Variants in NUBPL observed in about 807,000 individuals in gnomAD.
NUBPL encodes the protein iron-sulfur cluster transfer protein NUBPL.
Under a neutral mutation model 45.7 loss-of-function variants are expected in NUBPL, and 31 were observed. That is an observed-to-expected ratio of 0.68 (90% CI 0.51 to 0.92). The LOEUF is 0.92. Among genes scored for constraint, NUBPL ranks in the 40% least tolerant of loss-of-function variants. The pLI is 0.00. For missense variants in NUBPL, 401 were observed against 398.7 expected (o/e 1.01, Z -0.05); for synonymous variants, 144 against 140.9 (o/e 1.02, Z -0.15).
chr14:31,562,163 A>G lies in NUBPL; in HGVS notation c.204A>G (p.Gln68=), dbSNP rs943060873. 1.2e-6 allele frequency: 2 copies of G among 1,614,008 alleles called. No homozygotes were observed. Among genetic ancestry groups the G allele is most frequent in the African/African-American group, 2.7e-5 (2 of 74,932 alleles). The change falls in exon 2 of 11, where the codon CAA becomes CAG. Residue 68 remains glutamine, a synonymous_variant. Transcript: ENST00000281081. ...AGAAACCGATAGAAGGTGTTAAACA[A>G]GTTATAGTTGTGGCTTCTGGAAAGG... The part of the protein sequence containing the change: ...PKQKPIEGVK[Q]VIVVASGKGG...
At chr14:31,774,043 G>A (rs2039056551) in intron 6 of NUBPL, among the ~76,000 whole-genome samples, 1 of 152,150 alleles carries the variant, frequency 6.6e-6, no homozygotes, top group Non-Finnish European at 1.5e-5. Flanking sequence ...TTCTCTATTT[G>A]TTCTTTGGTT....
chr14:31,814,191 A>G (rs923741761), intron 7 of NUBPL, among the ~76,000 whole-genome samples: 1 of 152,168 alleles, frequency 6.6e-6, no homozygotes, highest in African/African-American at 2.4e-5. Flanking sequence ...CCTCTCCAGC[A>G]TCTGTTGTTT....
At chr14:31,594,247 G>T (rs1231862059) in intron 3 of NUBPL, among the ~76,000 whole-genome samples, 1 of 151,992 alleles carries the variant, frequency 6.6e-6, no homozygotes. Flanking sequence ...GTGAAACCCT[G>T]TCCCTACAAA....
At chr14:31,638,612 T>C (rs1385992636) in intron 4 of NUBPL, among the ~76,000 whole-genome samples, 1 of 152,148 alleles carries the variant, frequency 6.6e-6, no homozygotes, top group Non-Finnish European at 1.5e-5. Context: ...GTTCTCTGTA[T>C]TTCCTGAATG....
chr14:31,656,226 G>C (rs1343676174), intron 4 of NUBPL, among the ~76,000 whole-genome samples: 3 of 152,194 alleles, frequency 2.0e-5, no homozygotes, highest in Admixed American at 2.0e-4. Flanking sequence ...TGGGTTAAGA[G>C]AATGTTGTGG....
intron 7 of NUBPL, among the ~76,000 whole-genome samples, chr14:31,791,829 C>G (rs1203700385): frequency 1.3e-5 from 2 of 152,134 alleles, no homozygotes; most frequent in African/African-American, 4.8e-5. Context: ...GCTTTCTTTG[C>G]TTGTTCTTTA....
intron 4 of NUBPL, among the ~76,000 whole-genome samples, chr14:31,651,691 G>C (rs1028498799): frequency 2.6e-5 from 4 of 152,122 alleles, no homozygotes; most frequent in African/African-American, 9.7e-5. Context: ...AAGGTCAGGA[G>C]ATCGAGACAA....
At chr14:31,847,825 A>C (rs143063762) in intron 9 of NUBPL, among the ~76,000 whole-genome samples, 58 of 152,332 alleles carry the variant, frequency 3.8e-4, no homozygotes, top group African/African-American at 1.3e-3. Context: ...CTAATGATAT[A>C]TTTTGATACA....
At chr14:31,817,721 G>A (rs924388375) in intron 7 of NUBPL, among the ~76,000 whole-genome samples, 5 of 152,218 alleles carry the variant, frequency 3.3e-5, no homozygotes, top group Non-Finnish European at 7.3e-5. Context: ...AAGTTGAAAA[G>A]ACCATTGACA....
rs1380593773 is a variant in NUBPL, at chr14:31,613,737, T to C, written c.382+14358T>C. On this transcript the variant is annotated intron_variant, in intron 4 of 10. Coordinates refer to ENST00000281081, the MANE Select transcript of NUBPL (RefSeq NM_025152.3). ...TCCCAAAGTGCTGGGATTACAGGTG[T>C]GAGCCACTGCGCCCGGCCTAATTGG... Among the ~76,000 whole-genome samples the C allele has an allele frequency of 3.9e-5, 6 of 152,260 alleles. No individual in the cohort carries two copies. The East Asian group carries it at 1.2e-3, about 29-fold the overall frequency.
Position 31,682,601 on chromosome 14 carries a change from T to C in NUBPL, c.513+9027T>C, listed in dbSNP as rs182858158. Among the ~76,000 whole-genome samples, 226 of 152,344 alleles carry C rather than the reference T, an allele frequency of 1.5e-3. 1 individual carries two copies. The highest frequency in any genetic ancestry group is 0.014 in the Middle Eastern group (4 of 294). ...TGTTTTTTTCTTTTTTCTTACGTTCTTTGAATAAATGAAATATTTCTTGAA... is the reference window on the plus strand; with the variant it reads ...TGTTTTTTTCTTTTTTCTTACGTTCCTTGAATAAATGAAATATTTCTTGAA... On this transcript the variant is annotated intron_variant, in intron 6 of 10. Transcript: ENST00000281081.
Position 31,818,697 on chromosome 14 carries a change from G to A in NUBPL, c.608-7932G>A, listed in dbSNP as rs558401530. 8.5e-5 allele frequency among the ~76,000 whole-genome samples: 13 copies of A among 152,090 alleles called. No individual in the cohort carries two copies. The South Asian group carries it at 2.3e-3, about 27-fold the overall frequency. ...CCATGTAGCTGGGACTACAGGCGCC[G>A]GCCACCACGCCCGGCTAATGTTTTG... On this transcript the variant is annotated intron_variant, in intron 7 of 10. Coordinates refer to ENST00000281081, the MANE Select transcript of NUBPL (RefSeq NM_025152.3).
chr14:31,811,656 C>A (rs548286208), intron 7 of NUBPL, among the ~76,000 whole-genome samples: 2 of 152,102 alleles, frequency 1.3e-5, no homozygotes, highest in African/African-American at 2.4e-5. Flanking sequence ...TGCTTTGTTC[C>A]GTTGCTGGTG....
rs1362997195 is a variant in NUBPL, at chr14:31,812,570, C to T, written c.608-14059C>T. ...CTTCCCTTGGCTAGGAAAGGGAAAT[C>T]CCCCGACCCCTTGCACTTCCCTGGT... On this transcript the variant is annotated intron_variant, in intron 7 of 10. Transcript: ENST00000281081. Among the ~76,000 whole-genome samples the T allele has an allele frequency of 2.0e-5, 3 of 152,168 alleles. No individual in the cohort carries two copies. The South Asian group carries it at 6.2e-4, about 32-fold the overall frequency.
chr14:31,798,684 C>T (rs1485274683), intron 7 of NUBPL, among the ~76,000 whole-genome samples: 7 of 138,712 alleles, frequency 5.0e-5, no homozygotes, highest in African/African-American at 8.1e-5. Context: ...CCTGGCTACT[C>T]GGGAGGCTGA....
At chr14:31,643,289 G>C (rs989797612) in intron 4 of NUBPL, among the ~76,000 whole-genome samples, 4 of 152,096 alleles carry the variant, frequency 2.6e-5, no homozygotes, top group East Asian at 1.9e-4. Context: ...GTTAGCTGTG[G>C]GTTATACGGC....
chr14:31,666,942 C>T (rs777296830), intron 4 of NUBPL, among the ~76,000 whole-genome samples: 8 of 152,074 alleles, frequency 5.3e-5, no homozygotes, highest in Non-Finnish European at 7.4e-5. Flanking sequence ...GATGGGCTTC[C>T]CTTTGTAGGT....
intron 6 of NUBPL, among the ~76,000 whole-genome samples, chr14:31,755,863 A>G (rs1287611501): frequency 6.6e-6 from 1 of 150,658 alleles, no homozygotes; most frequent in African/African-American, 2.5e-5. Context: ...TCCATCTTGA[A>G]TTAATTTTTG....
chr14:31,690,081 A>T lies in NUBPL; in HGVS notation c.513+16507A>T, dbSNP rs181193788. 2.5e-3 allele frequency among the ~76,000 whole-genome samples: 358 copies of T among 142,252 alleles called. 1 individual carries two copies. Among genetic ancestry groups the T allele is most frequent in the African/African-American group, 8.2e-3 (329 of 40,316 alleles). 93.3% of individuals were successfully genotyped at this position (142,252 alleles called of 152,430 possible). A position where few individuals can be genotyped will look rare whatever the true frequency, so the allele number is the denominator to read the frequency against. ...CAGGTTTTTAATGCAGGTGGAATTG[A>T]CTCATTCTGGAAAAAAAAAATGCCA... On this transcript the variant is annotated intron_variant, in intron 6 of 10. Transcript: ENST00000281081.
Sources: gnomAD v4.1 joint callset for allele counts (sites outside exome capture counted in the v4.1 genomes callset) on GRCh38, gnomAD v4.1.1 for gene constraint, MANE v1.5 for transcripts, NCBI Gene and HGNC (gene_info 2026-07-23, HGNC 2026-07-21) for gene names.